The following BMP6 variants were observed in gnomAD, a reference collection of about 807,000 sequenced individuals.
BMP6 encodes VG-1-R.
In BMP6, 17 loss-of-function variants were observed where a neutral mutation model predicts 54.1. The observed-to-expected ratio is 0.31, with a 90% CI of 0.22 to 0.47. The LOEUF (loss-of-function observed/expected upper bound fraction) is 0.47. BMP6 is among the 20% of genes least tolerant of loss of function. The pLI, the probability that BMP6 is intolerant of heterozygous loss-of-function variation, is 1.00. For synonymous variants in BMP6, 328 were observed against 291.2 expected (o/e 1.13, Z -1.28); for missense variants, 720 against 690.4 (o/e 1.04, Z -0.48).
chr6:7,766,925 T>A (rs1757700157), intron 1 of BMP6, among the ~76,000 whole-genome samples: 1 of 151,684 alleles, frequency 6.6e-6, no homozygotes, highest in African/African-American at 2.4e-5. Context: ...CAAATGGATA[T>A]GGAATAGTAT....
intron 4 of BMP6, among the ~76,000 whole-genome samples, chr6:7,878,460 C>A (rs952414741): frequency 1.1e-4 from 17 of 152,156 alleles, no homozygotes; most frequent in Non-Finnish European, 2.2e-4. Context: ...TCCTGAGGAA[C>A]CCCTGGCTTA....
At chr6:7,866,194 T>C (rs408505) in intron 4 of BMP6, among the ~76,000 whole-genome samples, 75,664 of 152,180 alleles carry the variant, frequency 0.5, 20,255 homozygotes, top group East Asian at 0.72. Flanking sequence ...GGCTCTGTTA[T>C]ACTTCTCCAG....
intron 1 of BMP6, among the ~76,000 whole-genome samples, chr6:7,770,801 A>G (rs1465659720): frequency 6.6e-6 from 1 of 152,244 alleles, no homozygotes; most frequent in Admixed American, 6.5e-5. Flanking sequence ...TTTGAAGTTC[A>G]TCACAGCAGT....
chr6:7,791,104 T>C (rs1561773064), intron 1 of BMP6, among the ~76,000 whole-genome samples: 1 of 152,164 alleles, frequency 6.6e-6, no homozygotes, highest in Non-Finnish European at 1.5e-5. Flanking sequence ...CTGCTCCCCT[T>C]GACTCCCTTG....
At chr6:7,859,401 G>A (rs554074755) in intron 2 of BMP6, among the ~76,000 whole-genome samples, 2 of 152,150 alleles carry the variant, frequency 1.3e-5, no homozygotes, top group South Asian at 2.1e-4. Flanking sequence ...CTCGGCATGT[G>A]CTCACGGGCC....
chr6:7,850,861 C>A (rs1214792104), intron 2 of BMP6, among the ~76,000 whole-genome samples: 1 of 152,168 alleles, frequency 6.6e-6, no homozygotes, highest in Non-Finnish European at 1.5e-5. Flanking sequence ...ACCTAATTGA[C>A]CCTGTACCAT....
intron 1 of BMP6, among the ~76,000 whole-genome samples, chr6:7,811,916 C>T (rs952721668): frequency 2.6e-5 from 4 of 152,174 alleles, no homozygotes; most frequent in Admixed American, 2.0e-4. Context: ...GGATTCTTAA[C>T]TAAGTGAAAA....
chr6:7,835,266 A>G (rs1758855385), intron 1 of BMP6, among the ~76,000 whole-genome samples: 2 of 151,992 alleles, frequency 1.3e-5, no homozygotes, highest in East Asian at 1.9e-4. Flanking sequence ...GGGACTACAG[A>G]CACCCGCCAC....
chr6:7,790,435 C>G (rs1758078723), intron 1 of BMP6, among the ~76,000 whole-genome samples: 1 of 141,930 alleles, frequency 7.0e-6, no homozygotes, highest in Admixed American at 7.5e-5. Flanking sequence ...GGGGGATGAC[C>G]TGGGCCCTGG....
intron 1 of BMP6, among the ~76,000 whole-genome samples, chr6:7,739,574 G>A (rs138098365): frequency 1.4e-4 from 21 of 152,244 alleles, no homozygotes; most frequent in African/African-American, 4.3e-4. Context: ...GTAAGATAGG[G>A]GAGAATTTGG....
intron 1 of BMP6, among the ~76,000 whole-genome samples, chr6:7,819,070 G>A (rs891248717): frequency 6.6e-6 from 1 of 152,172 alleles, no homozygotes; most frequent in African/African-American, 2.4e-5. Flanking sequence ...AAAAAGACAA[G>A]CTGCAATGTG....
At chr6:7,772,841 C>T (rs1397477045) in intron 1 of BMP6, among the ~76,000 whole-genome samples, 1 of 152,150 alleles carries the variant, frequency 6.6e-6, no homozygotes, top group Non-Finnish European at 1.5e-5. Context: ...AGTTGGTGTT[C>T]CCATTCTCAC....
intron 2 of BMP6, among the ~76,000 whole-genome samples, chr6:7,852,772 G>A (rs977124560): frequency 2.0e-5 from 3 of 151,900 alleles, no homozygotes; most frequent in East Asian, 1.9e-4. Context: ...TCAACTCCTC[G>A]TCCCATATAA....
intron 1 of BMP6, among the ~76,000 whole-genome samples, chr6:7,826,623 G>A (rs1581265256): frequency 6.6e-6 from 1 of 152,186 alleles, no homozygotes; most frequent in Non-Finnish European, 1.5e-5. Flanking sequence ...AATAGTCAAA[G>A]GTGGTTTGAA....
At chr6:7,801,378 T>G (rs6924424) in intron 1 of BMP6, among the ~76,000 whole-genome samples, 30,024 of 152,162 alleles carry the variant, frequency 0.2, 3,406 homozygotes, top group African/African-American at 0.31. Context: ...CACCTGCAGT[T>G]AGTGACGCTC....
chr6:7,800,459 G>A (rs1004862330), intron 1 of BMP6, among the ~76,000 whole-genome samples: 4 of 152,120 alleles, frequency 2.6e-5, no homozygotes, highest in African/African-American at 9.7e-5. Flanking sequence ...TAGCCTGAGT[G>A]TCTCACAAAA....
intron 1 of BMP6, 152 bp downstream of exon 1, chr6:7,727,771 C>A: frequency 1.0e-6 from 1 of 1,002,386 alleles, no homozygotes; most frequent in Non-Finnish European, 1.3e-6. Flanking sequence ...TGTGCTCCCG[C>A]CACCTGCGCG....
chr6:7,745,214 A>G (rs1405556839), intron 1 of BMP6, among the ~76,000 whole-genome samples: 1 of 152,182 alleles, frequency 6.6e-6, no homozygotes, highest in Non-Finnish European at 1.5e-5. Context: ...CTGTTGCTGC[A>G]TTGTGTTATG....
intron 2 of BMP6, among the ~76,000 whole-genome samples, chr6:7,852,340 A>G (rs889377014): frequency 1.3e-5 from 2 of 152,252 alleles, no homozygotes; most frequent in African/African-American, 4.8e-5. Flanking sequence ...TGAGAGGCCA[A>G]GGTGGGAGGA....
Sources: gnomAD v4.1 joint callset for allele counts (sites outside exome capture counted in the v4.1 genomes callset) on GRCh38, gnomAD v4.1.1 for gene constraint, MANE v1.5 for transcripts, NCBI Gene and HGNC (gene_info 2026-07-23, HGNC 2026-07-21) for gene names.